The following PDCL3 variants were observed in gnomAD, a reference collection of about 807,000 sequenced individuals.
The protein encoded by PDCL3 is phosducin-like protein 3.
In PDCL3, 22 loss-of-function variants were observed where a neutral mutation model predicts 26.5. The observed-to-expected ratio is 0.83, with a 90% CI of 0.59 to 1.19. The LOEUF (loss-of-function observed/expected upper bound fraction) is 1.19, where lower values mean the gene tolerates loss of function less well. Among genes scored for constraint, PDCL3 ranks in the 50% most tolerant of loss-of-function variants. PDCL3 has a pLI of 0.00. For synonymous variants in PDCL3, 81 were observed against 104.9 expected (o/e 0.77, Z 1.39); for missense variants, 246 against 294.1 (o/e 0.84, Z 1.20).
chr2:100,568,876 A>T, intron 2 of PDCL3, 55 bp from the exon 3 acceptor site: 1 of 1,405,216 alleles, frequency 7.1e-7, no homozygotes, highest in Non-Finnish European at 1.0e-6. Flanking sequence ...AAAGAAAAAT[A>T]CATGTTCGTT....
rs533151779 is a variant in PDCL3, at chr2:100,575,311, A to AT, written c.578-1038dup. Among the ~76,000 whole-genome samples, 7 of 152,106 alleles carry AT rather than the reference A, an allele frequency of 4.6e-5. No homozygotes were observed. The South Asian group carries it at 6.2e-4, about 14-fold the overall frequency. On this transcript the variant is annotated intron_variant, in intron 5 of 5. Coordinates refer to ENST00000264254, the MANE Select transcript of PDCL3 (RefSeq NM_024065.5). ...CCACCATGCCTGGCTAATTTTTTGT[A>AT]TTTTTAGTAGAGACGGGGTTTCACC... is the stretch of plus-strand genomic sequence containing the variant.
chr2:100,567,645 G>A (rs1054792896), intron 2 of PDCL3, among the ~76,000 whole-genome samples: 5 of 152,112 alleles, frequency 3.3e-5, no homozygotes, highest in African/African-American at 9.7e-5. Context: ...AGGGGGTGAC[G>A]TGAGCGAGTG....
At position 100,571,718 on chromosome 2, in the gene PDCL3, T is replaced by C. The variant is rs754552157; in HGVS notation, c.497T>C (p.Ile166Thr). 6.2e-7 allele frequency: 1 copy of C among 1,613,984 alleles called. No homozygotes were observed. Among genetic ancestry groups the C allele is most frequent in the South Asian group, 1.1e-5 (1 of 91,076 alleles). Reference protein sequence around the residue: ...PNYPDRNLPTIFVYLEGDIKA... With the variant: ...PNYPDRNLPTTFVYLEGDIKA... ...TATCCTGATAGGAATCTGCCCACGA[T>C]ATTTGTTTACCTGGAAGGAGATATC... The change falls in exon 5 of 6, where the codon ATA becomes ACA. Residue 166 changes from isoleucine to threonine, a missense_variant. Transcript: ENST00000264254.
At chr2:100,574,562 A>G (rs1675241569) in intron 5 of PDCL3, among the ~76,000 whole-genome samples, 1 of 152,170 alleles carries the variant, frequency 6.6e-6, no homozygotes. Flanking sequence ...CAATCCAAGT[A>G]ATTAACCATC....
At chr2:100,565,781 C>T (rs935633448) in intron 1 of PDCL3, among the ~76,000 whole-genome samples, 4 of 152,176 alleles carry the variant, frequency 2.6e-5, no homozygotes, top group Non-Finnish European at 5.9e-5. Flanking sequence ...TGTTTGTTGC[C>T]TGTCTCTTCC....
At chr2:100,571,995 T>C (rs1675186622) in intron 5 of PDCL3, 197 bp downstream of exon 5, 1 of 597,096 alleles carries the variant, frequency 1.7e-6, no homozygotes, top group African/African-American at 1.9e-5. Context: ...TACTGATTCT[T>C]AGTTCAAGGA....
chr2:100,567,386 G>A (rs1675077423), intron 2 of PDCL3, among the ~76,000 whole-genome samples: 1 of 152,162 alleles, frequency 6.6e-6, no homozygotes, highest in African/African-American at 2.4e-5. Context: ...TGCCCTCAGA[G>A]AACCAACATT....
intron 5 of PDCL3, among the ~76,000 whole-genome samples, chr2:100,572,412 A>G (rs909782608): frequency 6.6e-6 from 1 of 151,932 alleles, no homozygotes; most frequent in Non-Finnish European, 1.5e-5. Flanking sequence ...GGGTTTCACC[A>G]TGTTGGCCAG....
intron 5 of PDCL3, among the ~76,000 whole-genome samples, chr2:100,574,097 G>A (rs562385799): frequency 1.3e-5 from 2 of 151,976 alleles, no homozygotes; most frequent in Non-Finnish European, 2.9e-5. Flanking sequence ...TCAGCCTCCC[G>A]GGTTCAAGCA....
chr2:100,565,966 C>T (rs866863994), intron 1 of PDCL3, among the ~76,000 whole-genome samples: 3 of 152,232 alleles, frequency 2.0e-5, no homozygotes, highest in East Asian at 3.9e-4. Context: ...TGCAGTGGCA[C>T]GATCTCGGCT....
intron 1 of PDCL3, among the ~76,000 whole-genome samples, chr2:100,564,463 A>AT (rs1675020409): frequency 6.6e-6 from 1 of 151,896 alleles, no homozygotes; most frequent in South Asian, 2.1e-4. Context: ...CTCCCGGGTA[A>AT]TTTTTTGTAT....
chr2:100,567,807 AAG>A (rs1434230705), intron 2 of PDCL3, among the ~76,000 whole-genome samples: 4 of 151,806 alleles, frequency 2.6e-5, no homozygotes, highest in African/African-American at 7.3e-5. Flanking sequence ...GTTTAAACAG[AAG>A]AGTGACATTT....
chr2:100,572,456 C>G (rs1386357885), intron 5 of PDCL3, among the ~76,000 whole-genome samples: 2 of 152,140 alleles, frequency 1.3e-5, no homozygotes, highest in Non-Finnish European at 2.9e-5. Flanking sequence ...AAGTGATCTA[C>G]CCACTTCAGC....
intron 5 of PDCL3, among the ~76,000 whole-genome samples, chr2:100,575,337 G>C (rs375867146): frequency 3.9e-5 from 6 of 152,056 alleles, no homozygotes; most frequent in Non-Finnish European, 5.9e-5. Flanking sequence ...GGGTTTCACC[G>C]TGTTAGCCAG....
At chr2:100,569,516 C>G (rs946440580) in intron 3 of PDCL3, 62 bp from the exon 4 acceptor site, 2 of 1,566,206 alleles carry the variant, frequency 1.3e-6, no homozygotes, top group Non-Finnish European at 1.7e-6. Context: ...GGATTGCCTT[C>G]TAGACGATGT....
At chr2:100,569,124 C>A in intron 3 of PDCL3, 103 bp downstream of exon 3, 2 of 978,650 alleles carry the variant, frequency 2.0e-6, no homozygotes, top group Non-Finnish European at 3.1e-6. Context: ...AGCATGGTGA[C>A]TCATACCTGT....
rs759832526 is a variant in PDCL3, at chr2:100,571,655, A to G, written c.434A>G (p.Lys145Arg). 1.9e-6 allele frequency: 3 copies of G among 1,613,298 alleles called. No homozygotes were observed. Among genetic ancestry groups the G allele is most frequent in the African/African-American group, 1.3e-5 (1 of 74,900 alleles). ...CTTGCCAGGAAGTTTCCTGATGTCA[A>G]ATTTATCAAAGCCATTTCAACAACC... ...SGLARKFPDV[K>R]FIKAISTTCI... The change falls in exon 5 of 6, where the codon AAA becomes AGA. Residue 145 changes from lysine to arginine, a missense_variant. By Grantham distance (26) the Lys-to-Arg change is conservative (BLOSUM62 2). Coordinates refer to ENST00000264254, the MANE Select transcript of PDCL3 (RefSeq NM_024065.5).
chr2:100,573,370 A>G (rs1675215382), intron 5 of PDCL3, among the ~76,000 whole-genome samples: 1 of 152,022 alleles, frequency 6.6e-6, no homozygotes, highest in South Asian at 2.1e-4. Flanking sequence ...TATATACTGT[A>G]CCACTAAGAT....
chr2:100,568,552 A>G (rs753418001), intron 2 of PDCL3, among the ~76,000 whole-genome samples: 2 of 152,166 alleles, frequency 1.3e-5, no homozygotes, highest in Non-Finnish European at 1.5e-5. Context: ...GAATTGCTTG[A>G]ATCTGGGAGG....
Sources: gnomAD v4.1 joint callset for allele counts (sites outside exome capture counted in the v4.1 genomes callset) on GRCh38, gnomAD v4.1.1 for gene constraint, MANE v1.5 for transcripts, NCBI Gene and HGNC (gene_info 2026-07-23, HGNC 2026-07-21) for gene names.